HDAC9: variants seen among roughly 807,000 people sequenced by gnomAD.
HDAC9 encodes the protein histone deacetylase 9.
Under a neutral mutation model 139.4 loss-of-function variants are expected in HDAC9, and 41 were observed. That is an observed-to-expected ratio of 0.29 (90% CI 0.23 to 0.38). The LOEUF (loss-of-function observed/expected upper bound fraction) is 0.38. Among genes scored for constraint, HDAC9 ranks in the 10% least tolerant of loss-of-function variants. The pLI, the probability that HDAC9 is intolerant of heterozygous loss-of-function variation, is 1.00. For synonymous variants in HDAC9, 517 were observed against 476.2 expected (o/e 1.09, Z -1.12); for missense variants, 1,147 against 1,297.0 (o/e 0.88, Z 1.78).
chr7:18,096,595 G>A (rs1782515599), intron 1 of HDAC9, among the ~76,000 whole-genome samples: 1 of 152,146 alleles, frequency 6.6e-6, no homozygotes, highest in Non-Finnish European at 1.5e-5. Context: ...TTTACATCTT[G>A]CCTTATGTTG....
At chr7:18,545,723 A>T (rs1365755914) in intron 2 of HDAC9, among the ~76,000 whole-genome samples, 1 of 152,206 alleles carries the variant, frequency 6.6e-6, no homozygotes, top group Non-Finnish European at 1.5e-5. Context: ...GAAATTTAAT[A>T]AATTTAAGAA....
intron 1 of HDAC9, among the ~76,000 whole-genome samples, chr7:18,440,208 G>T (rs1267183960): frequency 2.7e-5 from 4 of 147,706 alleles, no homozygotes; most frequent in African/African-American, 7.5e-5. Flanking sequence ...TTTTTTGGCG[G>T]AGTTTCACTC....
At chr7:18,716,983 G>A (rs1332787075) in intron 12 of HDAC9, among the ~76,000 whole-genome samples, 3 of 135,138 alleles carry the variant, frequency 2.2e-5, no homozygotes, top group Non-Finnish European at 4.7e-5. Context: ...TTTACCTCTC[G>A]TTAGCACTTT....
intron 21 of HDAC9, among the ~76,000 whole-genome samples, chr7:18,864,196 G>C (rs1222310775): frequency 6.6e-6 from 1 of 152,138 alleles, no homozygotes; most frequent in Admixed American, 6.5e-5. Context: ...ATATTATTCG[G>C]CCTTGCAAAT....
At chr7:18,861,838 A>AGGT (rs1798133524) in intron 21 of HDAC9, among the ~76,000 whole-genome samples, 1 of 152,236 alleles carries the variant, frequency 6.6e-6, no homozygotes, top group Non-Finnish European at 1.5e-5. Context: ...TTTCTGGACC[A>AGGT]GGTATATATG....
intron 22 of HDAC9, among the ~76,000 whole-genome samples, chr7:18,884,485 T>A (rs1046862369): frequency 6.6e-6 from 1 of 152,152 alleles, no homozygotes. Context: ...GAAAACTAGA[T>A]ATCCAAATGC....
chr7:18,973,565 A>G (rs137961675), intron 24 of HDAC9, among the ~76,000 whole-genome samples: 529 of 152,238 alleles, frequency 3.5e-3, no homozygotes, highest in African/African-American at 0.012. Context: ...TTCCTCCCCT[A>G]ATGTGACATC....
At chr7:18,949,452 C>T in intron 23 of HDAC9, 1 of 225,774 alleles carries the variant, frequency 4.4e-6, no homozygotes, top group Admixed American at 4.1e-5. Flanking sequence ...CTGAACTATG[C>T]TTCAACCATA....
intron 2 of HDAC9, among the ~76,000 whole-genome samples, chr7:18,270,569 T>A (rs1351622233): frequency 6.6e-6 from 1 of 152,198 alleles, no homozygotes; most frequent in Non-Finnish European, 1.5e-5. Context: ...GTTTAAACGT[T>A]ATTTTTTCTG....
chr7:18,821,494 G>A (rs904625785), intron 17 of HDAC9, among the ~76,000 whole-genome samples: 2 of 152,202 alleles, frequency 1.3e-5, no homozygotes, highest in African/African-American at 4.8e-5. Context: ...GGCCAGTGTG[G>A]CTGCGGTGGA....
At chr7:18,863,078 G>C (rs1442403512) in intron 21 of HDAC9, among the ~76,000 whole-genome samples, 1 of 152,162 alleles carries the variant, frequency 6.6e-6, no homozygotes, top group Non-Finnish European at 1.5e-5. Flanking sequence ...AGAGAGGAAA[G>C]GACGATTTTC....
In HDAC9 at chr7:18,622,484, G is replaced by A. The variant is rs375076154; in HGVS notation, c.665-6866G>A. On this transcript the variant is annotated intron_variant, in intron 6 of 25. Transcript: ENST00000686413. ...ATTACAGGGACGTGCCACCACACCCGGCTAATTTTTTGTATTTTTAATAGA... is the reference window on the plus strand; with the variant it reads ...ATTACAGGGACGTGCCACCACACCCAGCTAATTTTTTGTATTTTTAATAGA... Among the ~76,000 whole-genome samples, 85 of 151,888 alleles carry A rather than the reference G, an allele frequency of 5.6e-4. No homozygotes were observed. The South Asian group carries it at 0.016, about 29-fold the overall frequency.
rs2129355755 is a variant in HDAC9 at position 18,997,532 on chromosome 7, G to GTTTC, written c.*1474_*1477dup. On this transcript the variant is annotated 3_prime_UTR_variant, in exon 26 of 26. Coordinates refer to ENST00000686413, the MANE Select transcript of HDAC9 (RefSeq NM_178425.4). ...TGACAATGCTTTTGAAAGAGTTGAT[G>GTTTC]TTTCTTTTTATATATTTTTCTAACT... is the stretch of plus-strand genomic sequence containing the variant. The GTTTC allele has an allele frequency of 6.6e-6, 1 of 152,146 alleles. No individual in the cohort carries two copies. The highest frequency in any genetic ancestry group is 1.9e-4 in the East Asian group (1 of 5,182). The allele number at this position is 152,146 out of a possible 1,614,324, so 9.4% of individuals were successfully genotyped here. A position where few individuals can be genotyped will look rare whatever the true frequency, so the allele number is the denominator to read the frequency against.
At chr7:18,992,138 T>C (rs1786030347) in intron 25 of HDAC9, among the ~76,000 whole-genome samples, 1 of 152,254 alleles carries the variant, frequency 6.6e-6, no homozygotes, top group Non-Finnish European at 1.5e-5. Context: ...CTGGTAATTT[T>C]GCTCTTGGGA....
intron 1 of HDAC9, among the ~76,000 whole-genome samples, chr7:18,312,791 T>G (rs1799401684): frequency 1.3e-5 from 2 of 152,238 alleles, no homozygotes; most frequent in African/African-American, 4.8e-5. Context: ...TAAGAAATCT[T>G]TGTATCTTGC....
intron 25 of HDAC9, among the ~76,000 whole-genome samples, chr7:18,994,382 TTTC>T (rs1430029779): frequency 1.3e-5 from 2 of 152,246 alleles, no homozygotes; most frequent in African/African-American, 4.8e-5. Flanking sequence ...ATTTAAAATC[TTTC>T]TTCTTTGAAT....
intron 1 of HDAC9, among the ~76,000 whole-genome samples, chr7:18,156,905 G>A (rs1322861070): frequency 6.6e-6 from 1 of 152,044 alleles, no homozygotes; most frequent in Non-Finnish European, 1.5e-5. Context: ...CAGGACGATA[G>A]GGATAAATTG....
chr7:18,176,948 A>T (rs1426878310), intron 2 of HDAC9, among the ~76,000 whole-genome samples: 1 of 152,230 alleles, frequency 6.6e-6, no homozygotes, highest in South Asian at 2.1e-4. Flanking sequence ...GCAGGAAGCC[A>T]ACTATAGATA....
chr7:18,546,890 A>G (rs1282898886), intron 2 of HDAC9, among the ~76,000 whole-genome samples: 1 of 152,200 alleles, frequency 6.6e-6, no homozygotes, highest in Non-Finnish European at 1.5e-5. Context: ...GTGGATAATC[A>G]TATTCCAAGG....
Sources: gnomAD v4.1 joint callset for allele counts (sites outside exome capture counted in the v4.1 genomes callset) on GRCh38, gnomAD v4.1.1 for gene constraint, MANE v1.5 for transcripts, NCBI Gene and HGNC (gene_info 2026-07-23, HGNC 2026-07-21) for gene names.